VTA1: variants seen among roughly 807,000 people sequenced by gnomAD.
VTA1 encodes vesicle trafficking 1.
VTA1 carries 24 observed loss-of-function variants against 36.9 expected under a neutral mutation model. The ratio of observed to expected loss-of-function variants is 0.65; its 90% confidence interval spans 0.47 to 0.91. The LOEUF is 0.91. Among genes scored for constraint, VTA1 ranks in the 40% least tolerant of loss-of-function variants. The probability of loss-of-function intolerance (pLI) is 0.00; values close to 1 mark genes in which losing one functional copy is unlikely to be tolerated. For synonymous variants in VTA1, 142 were observed against 130.2 expected (o/e 1.09, Z -0.62); for missense variants, 393 against 377.2 (o/e 1.04, Z -0.35).
At position 142,198,624 on chromosome 6, in the gene VTA1, C is replaced by T. The variant is rs1485030026; in HGVS notation, c.697+9C>T. 6.3e-7 allele frequency: 1 copy of T among 1,596,722 alleles called. No homozygotes were observed. Among genetic ancestry groups the T allele is most frequent in the Non-Finnish European group, 8.5e-7 (1 of 1,169,894 alleles). The stretch of plus-strand genomic sequence containing the variant: ...AGTGCCTCACAGCACAGGTGGGAAA[C>T]TGTAACTGAATGATTTATTTAATTC... On this transcript the variant is annotated intron_variant, in intron 6 of 7. Transcript: ENST00000367630.
At chr6:142,204,622 T>C (rs1775751967) in intron 7 of VTA1, among the ~76,000 whole-genome samples, 1 of 152,086 alleles carries the variant, frequency 6.6e-6, no homozygotes, top group Non-Finnish European at 1.5e-5. Context: ...AGACTTTTGT[T>C]TTCTTCATAT....
intron 4 of VTA1, among the ~76,000 whole-genome samples, chr6:142,173,965 C>A (rs1775072011): frequency 6.6e-6 from 1 of 152,132 alleles, no homozygotes; most frequent in East Asian, 1.9e-4. Flanking sequence ...CCAACCTGCT[C>A]CCTAAGCCCC....
At chr6:142,197,863 C>CTCT (rs1775584157) in intron 5 of VTA1, among the ~76,000 whole-genome samples, 1 of 148,846 alleles carries the variant, frequency 6.7e-6, no homozygotes, top group Non-Finnish European at 1.5e-5. Context: ...TCACGAGGTC[C>CTCT]GGAGATTGAG....
Position 142,218,760 on chromosome 6 carries a change from A to G in VTA1, c.*117A>G. On this transcript the variant is annotated 3_prime_UTR_variant, in exon 8 of 8. Transcript: ENST00000367630. ...AAGACTTGGTTTTGTTGAATATGAC[A>G]ATGAAATCTGTGTGTATCAGATTTT... is the stretch of plus-strand genomic sequence containing the variant. 8.3e-7 allele frequency: 1 copy of G among 1,211,574 alleles called. No homozygotes were observed. 75.1% of individuals were successfully genotyped at this position (1,211,574 alleles called of 1,614,324 possible).
At chr6:142,212,340 G>A (rs1242564608) in intron 7 of VTA1, among the ~76,000 whole-genome samples, 1 of 152,142 alleles carries the variant, frequency 6.6e-6, no homozygotes, top group Admixed American at 6.5e-5. Context: ...AGTGCTAGAA[G>A]GAAATGAGCT....
intron 3 of VTA1, 79 bp from the exon 4 acceptor site, chr6:142,170,267 T>G (rs930365439): frequency 1.9e-6 from 2 of 1,049,718 alleles, no homozygotes; most frequent in Non-Finnish European, 2.8e-6. Flanking sequence ...ATAGGAATTT[T>G]TTTTCTTATA....
At chr6:142,195,530 G>T (rs1554220705) in intron 5 of VTA1, among the ~76,000 whole-genome samples, 2 of 142,336 alleles carry the variant, frequency 1.4e-5, no homozygotes, top group Non-Finnish European at 3.1e-5. Flanking sequence ...ACTTAGTACA[G>T]TTTTTTTCTT....
chr6:142,214,178 C>T lies in VTA1; in HGVS notation c.779-4320C>T, dbSNP rs372759435. Among the ~76,000 whole-genome samples the T allele has an allele frequency of 2.6e-5, 4 of 152,210 alleles. No homozygotes were observed. In the East Asian group the frequency reaches 5.8e-4, roughly 22 times the overall value. On this transcript the variant is annotated intron_variant, in intron 7 of 7. Coordinates refer to ENST00000367630, the MANE Select transcript of VTA1 (RefSeq NM_016485.5). ...GCTTAGAAATTTCTTTTGTCAGATA[C>T]CCTAAATCATCTCTCTCAATTTCAA... is the stretch of plus-strand genomic sequence containing the variant.
intron 7 of VTA1, among the ~76,000 whole-genome samples, chr6:142,204,349 C>T (rs577016215): frequency 4.6e-5 from 7 of 152,158 alleles, no homozygotes; most frequent in Non-Finnish European, 7.4e-5. Flanking sequence ...GCCAAGGCTA[C>T]CATGGAAGCC....
intron 5 of VTA1, among the ~76,000 whole-genome samples, chr6:142,198,119 ATGTGTGTGTGTGTGTGTGTGTGTGTGTG>A (rs71021658): frequency 1.0e-5 from 1 of 98,250 alleles, no homozygotes; most frequent in Non-Finnish European, 2.3e-5. Flanking sequence ...ATATATATAT[ATGTGTGTGTGTGTGTGTGTGTGTGTGTG>A]TGTGTGTGTG....
chr6:142,213,820 C>T (rs1051622701), intron 7 of VTA1, among the ~76,000 whole-genome samples: 1 of 152,196 alleles, frequency 6.6e-6, no homozygotes, highest in African/African-American at 2.4e-5. Context: ...GGCCCTGTAT[C>T]TGGCTCATGG....
intron 4 of VTA1, among the ~76,000 whole-genome samples, chr6:142,177,219 CA>C (rs1378997933): frequency 1.3e-5 from 2 of 152,110 alleles, no homozygotes; most frequent in Non-Finnish European, 1.5e-5. Context: ...TTGCCAAGAA[CA>C]ATGTCTTACA....
chr6:142,181,911 C>G (rs1775248773), intron 4 of VTA1, among the ~76,000 whole-genome samples: 1 of 152,140 alleles, frequency 6.6e-6, no homozygotes, highest in Non-Finnish European at 1.5e-5. Context: ...TACATGTAAT[C>G]TGTGACTATA....
At chr6:142,155,673 A>G (rs1200295572) in intron 1 of VTA1, among the ~76,000 whole-genome samples, 1 of 152,102 alleles carries the variant, frequency 6.6e-6, no homozygotes, top group Non-Finnish European at 1.5e-5. Context: ...AACATTAGGC[A>G]CTTGGTTGTC....
At chr6:142,156,944 G>T (rs139635473) in intron 1 of VTA1, among the ~76,000 whole-genome samples, 2,055 of 152,308 alleles carry the variant, frequency 0.013, 55 homozygotes, top group African/African-American at 0.046. Flanking sequence ...CAGGTGGGCA[G>T]ATCACGAGGT....
intron 1 of VTA1, among the ~76,000 whole-genome samples, chr6:142,157,391 T>C (rs532354037): frequency 6.6e-6 from 1 of 152,346 alleles, no homozygotes; most frequent in South Asian, 2.1e-4. Flanking sequence ...TACTGTAGCA[T>C]TGACAATAAA....
intron 4 of VTA1, among the ~76,000 whole-genome samples, chr6:142,170,863 A>C (rs1482131461): frequency 6.6e-6 from 1 of 152,028 alleles, no homozygotes; most frequent in Admixed American, 6.6e-5. Flanking sequence ...GAGCTCAAGC[A>C]ATCTTGCCTG....
At chr6:142,210,429 G>A (rs1165483536) in intron 7 of VTA1, among the ~76,000 whole-genome samples, 7 of 151,988 alleles carry the variant, frequency 4.6e-5, no homozygotes, top group Non-Finnish European at 8.8e-5. Flanking sequence ...TGGCCAAATG[G>A]GATTAGATCC....
intron 4 of VTA1, among the ~76,000 whole-genome samples, chr6:142,177,518 G>T (rs1394386510): frequency 6.6e-6 from 1 of 152,170 alleles, no homozygotes; most frequent in Non-Finnish European, 1.5e-5. Flanking sequence ...GATTCTAGCA[G>T]TAGTAAGGAG....
Sources: gnomAD v4.1 joint callset for allele counts (sites outside exome capture counted in the v4.1 genomes callset) on GRCh38, gnomAD v4.1.1 for gene constraint, MANE v1.5 for transcripts, NCBI Gene and HGNC (gene_info 2026-07-23, HGNC 2026-07-21) for gene names.